DIAPH2: variants seen among roughly 807,000 people sequenced by gnomAD.
The protein encoded by DIAPH2 is diaphanous related formin 2, also known as protein diaphanous homolog 2.
A neutral mutation model predicts 92.7 loss-of-function variants in DIAPH2; 35 were observed. That is an observed-to-expected ratio of 0.38 (90% CI 0.29 to 0.50). The LOEUF is 0.50. DIAPH2 is among the 20% of genes least tolerant of loss of function. The probability of loss-of-function intolerance (pLI) is 0.94; values close to 1 mark genes in which losing one functional copy is unlikely to be tolerated. For synonymous variants in DIAPH2, 301 were observed against 280.4 expected (o/e 1.07, Z -0.73); for missense variants, 701 against 819.5 (o/e 0.86, Z 1.77).
intron 26 of DIAPH2, among the ~76,000 whole-genome samples, chrX:97,546,291 A>G (rs1442829796): frequency 8.9e-6 from 1 of 111,997 alleles, no homozygotes; most frequent in Non-Finnish European, 1.9e-5. Flanking sequence ...ACCTAATAAT[A>G]TATAGCTCTT....
intron 3 of DIAPH2, 117 bp from the exon 4 acceptor site, chrX:96,758,037 T>G: frequency 1.6e-6 from 1 of 612,481 alleles, no homozygotes; most frequent in Non-Finnish European, 2.4e-6. Flanking sequence ...ATTTTTGACA[T>G]TAGTCACCAC....
At chrX:96,854,907 G>A (rs991872328) in intron 4 of DIAPH2, among the ~76,000 whole-genome samples, 1 of 107,711 alleles carries the variant, frequency 9.3e-6, no homozygotes, top group African/African-American at 3.4e-5. Context: ...ATAAGTGGGG[G>A]GCTACTGTAA....
At chrX:97,476,943 T>C (rs2042512883) in intron 26 of DIAPH2, among the ~76,000 whole-genome samples, 1 of 21,802 alleles carries the variant, frequency 4.6e-5, no homozygotes, top group Non-Finnish European at 7.0e-5. Flanking sequence ...AAACTCTGTC[T>C]CAAAAAAAAA....
intron 26 of DIAPH2, among the ~76,000 whole-genome samples, chrX:97,525,020 G>A (rs962589351): frequency 4.5e-5 from 5 of 112,087 alleles, no homozygotes; most frequent in East Asian, 2.8e-4. Context: ...AATCTATTCC[G>A]TTTTTGATTC....
At chrX:97,587,521 C>T (rs1174219799) in intron 26 of DIAPH2, among the ~76,000 whole-genome samples, 1 of 111,894 alleles carries the variant, frequency 8.9e-6, no homozygotes, top group African/African-American at 3.2e-5. Flanking sequence ...AAAAAATACC[C>T]TCGCCTATGA....
chrX:96,877,342 A>G (rs1415050547), intron 4 of DIAPH2, among the ~76,000 whole-genome samples: 1 of 112,343 alleles, frequency 8.9e-6, no homozygotes, highest in African/African-American at 3.2e-5. Flanking sequence ...ATGATAGATT[A>G]GAAACTTATT....
intron 15 of DIAPH2, among the ~76,000 whole-genome samples, chrX:96,953,065 A>G (rs1228687327): frequency 9.0e-6 from 1 of 110,526 alleles, no homozygotes; most frequent in Non-Finnish European, 1.9e-5. Context: ...GCTGCAATGC[A>G]CTATGATTTT....
chrX:97,597,362 C>T (rs1055923203), intron 26 of DIAPH2, among the ~76,000 whole-genome samples: 4 of 112,357 alleles, frequency 3.6e-5, no homozygotes, highest in Non-Finnish European at 7.5e-5. Context: ...CACCAGATGA[C>T]ACCAGTAAGT....
intron 5 of DIAPH2, among the ~76,000 whole-genome samples, chrX:96,907,979 A>G (rs2065444093): frequency 8.9e-6 from 1 of 112,165 alleles, no homozygotes. Context: ...TGAATATCAT[A>G]GTATTCATGC....
chrX:97,315,012 TCTC>T (rs1278634025), intron 23 of DIAPH2, among the ~76,000 whole-genome samples: 6 of 111,884 alleles, frequency 5.4e-5, no homozygotes, highest in Non-Finnish European at 9.4e-5. Context: ...GAAATAATAT[TCTC>T]CTATTATTAT....
intron 1 of DIAPH2, among the ~76,000 whole-genome samples, 167 bp from the exon 2 acceptor site, chrX:96,735,591 G>T (rs1338144608): frequency 9.0e-6 from 1 of 111,120 alleles, no homozygotes; most frequent in African/African-American, 3.3e-5. Context: ...TCATTAAAAA[G>T]ATTTTTTTCT....
chrX:97,572,082 CTTTT>C (rs58336391), intron 26 of DIAPH2, among the ~76,000 whole-genome samples: 1 of 96,811 alleles, frequency 1.0e-5, no homozygotes, highest in Non-Finnish European at 2.1e-5. Flanking sequence ...CTGTGACTTC[CTTTT>C]TTTTTTTTTT....
chrX:96,909,915 C>T (rs776242896), intron 5 of DIAPH2, among the ~76,000 whole-genome samples: 1 of 110,522 alleles, frequency 9.0e-6, no homozygotes, highest in East Asian at 2.8e-4. Context: ...AAAGAAATAA[C>T]CCTAATAATT....
At chrX:96,921,398 TTA>T (rs1264941433) in intron 9 of DIAPH2, among the ~76,000 whole-genome samples, 1 of 111,782 alleles carries the variant, frequency 8.9e-6, no homozygotes, top group Non-Finnish European at 1.9e-5. Context: ...AAAGCACAGA[TTA>T]TACACCAGCA....
intron 22 of DIAPH2, among the ~76,000 whole-genome samples, chrX:97,239,844 C>T (rs1001326326): frequency 9.2e-6 from 1 of 108,527 alleles, no homozygotes; most frequent in Non-Finnish European, 1.9e-5. Flanking sequence ...ATCTCTCTCT[C>T]TCTCTCTCTC....
At chrX:97,095,098 CTTTTTTTTTTTTTTTTTTT>C (rs61350837) in intron 19 of DIAPH2, among the ~76,000 whole-genome samples, 20 of 22,411 alleles carry the variant, frequency 8.9e-4, no homozygotes, top group East Asian at 7.3e-3. Flanking sequence ...GTTTCTTTTT[CTTTTTTTTTTTTTTTTTTT>C]TTTTTTTTTT....
intron 17 of DIAPH2, among the ~76,000 whole-genome samples, chrX:97,066,328 C>T (rs2066634051): frequency 8.9e-6 from 1 of 112,225 alleles, no homozygotes; most frequent in Non-Finnish European, 1.9e-5. Context: ...TATACAAATA[C>T]CATTTTGTTA....
chrX:97,293,359 T>C (rs1181917669), intron 23 of DIAPH2, among the ~76,000 whole-genome samples: 2 of 106,504 alleles, frequency 1.9e-5, no homozygotes, highest in Admixed American at 1.0e-4. Context: ...TTCAGGCCAT[T>C]CTCCTGCCTC....
chrX:97,389,902 C>A (rs2069640049), intron 25 of DIAPH2, among the ~76,000 whole-genome samples: 1 of 111,054 alleles, frequency 9.0e-6, no homozygotes, highest in East Asian at 2.8e-4. Context: ...AAACTGCATT[C>A]TTTGGTGAGT....
Sources: allele counts gnomAD v4.1 joint callset (sites outside exome capture counted in the v4.1 genomes callset), GRCh38; gene constraint gnomAD v4.1.1; transcripts MANE v1.5; gene names NCBI Gene and HGNC (gene_info 2026-07-23, HGNC 2026-07-21).